The following SCNN1G variants were observed in gnomAD, a reference collection of about 807,000 sequenced individuals.
SCNN1G encodes the protein sodium channel epithelial 1 subunit gamma.
A neutral mutation model predicts 64.6 loss-of-function variants in SCNN1G; 27 were observed. The ratio of observed to expected loss-of-function variants is 0.42; its 90% CI spans 0.31 to 0.58. The LOEUF is 0.58. Among genes scored for constraint, SCNN1G ranks in the 20% least tolerant of loss-of-function variants. The probability of loss-of-function intolerance (pLI) is 0.18; values close to 1 mark genes in which losing one functional copy is unlikely to be tolerated. For missense variants in SCNN1G, 743 were observed against 823.4 expected, an observed-to-expected ratio of 0.90 and a Z score of 1.19; for synonymous variants, 330 against 314.2, an observed-to-expected ratio of 1.05 and a Z score of -0.53.
intron 4 of SCNN1G, among the ~76,000 whole-genome samples, chr16:23,192,896 C>A (rs1959732176): frequency 6.6e-6 from 1 of 151,458 alleles, no homozygotes; most frequent in African/African-American, 2.4e-5. Context: ...TAGCGAGACC[C>A]CGTCTCTACT....
intron 1 of SCNN1G, among the ~76,000 whole-genome samples, chr16:23,184,963 T>C (rs1041958771): frequency 2.6e-5 from 4 of 152,146 alleles, no homozygotes; most frequent in African/African-American, 9.7e-5. Flanking sequence ...TCTTGGGAAG[T>C]GGTCATGTGC....
chr16:23,192,216 A>G, intron 3 of SCNN1G, 136 bp from the exon 4 acceptor site: 2 of 758,028 alleles, frequency 2.6e-6, no homozygotes, highest in South Asian at 3.0e-5. Context: ...GTGAGAGGAA[A>G]CCCATCCTTG....
Position 23,215,433 on chromosome 16 carries a change from C to T in SCNN1G, c.1914C>T (p.Asn638=). The T allele has an allele frequency of 6.2e-7, 1 of 1,613,030 alleles. No individual in the cohort carries two copies. Among genetic ancestry groups the T allele is most frequent in the South Asian group, 1.1e-5 (1 of 91,084 alleles). ...TGCGCTTGGAGAGGGCCTTTTCCAA[C>T]CAGCTCACAGATACCCAGATGCTGG... ...NTLRLERAFS[N]QLTDTQMLDE... is the part of the protein sequence containing the mutation. The change falls in exon 13 of 13, where the codon AAC becomes AAT. Residue 638 remains asparagine (N), a synonymous_variant. Transcript: ENST00000300061.
intron 3 of SCNN1G, among the ~76,000 whole-genome samples, chr16:23,191,963 A>T (rs1216679263): frequency 6.6e-6 from 1 of 152,208 alleles, no homozygotes; most frequent in South Asian, 2.1e-4. Flanking sequence ...CCCCTCCTGC[A>T]GAGTCTGGGC....
In SCNN1G at chr16:23,186,527, A is replaced by G. The variant is rs1959609382; in HGVS notation, c.256A>G (p.Lys86Glu). ...CTTCTATACTGTCTCAGTTTCCATCAAAGTCCACTTCCGGAAGCTGGATTT... is the reference window on the plus strand; with the variant it reads ...CTTCTATACTGTCTCAGTTTCCATCGAAGTCCACTTCCGGAAGCTGGATTT... ...FSFYTVSVSI[K>E]VHFRKLDFPA... The change falls in exon 2 of 13, where the codon AAA becomes GAA. Residue 86 changes from lysine (K) to glutamate (E), a missense_variant. Lys to Glu is a moderately conservative substitution (Grantham distance 56, BLOSUM62 1). Transcript: ENST00000300061. The G allele has an allele frequency of 6.2e-7, 1 of 1,613,880 alleles. No homozygotes were observed. Among genetic ancestry groups the G allele is most frequent in the Non-Finnish European group, 8.5e-7 (1 of 1,180,016 alleles).
intron 2 of SCNN1G, among the ~76,000 whole-genome samples, chr16:23,187,577 G>A (rs1251624272): frequency 6.6e-6 from 1 of 152,156 alleles, no homozygotes; most frequent in Non-Finnish European, 1.5e-5. Flanking sequence ...GGCTCTCCGA[G>A]CTCACATGTT....
intron 4 of SCNN1G, among the ~76,000 whole-genome samples, chr16:23,192,827 G>A (rs1237575696): frequency 6.6e-6 from 1 of 152,082 alleles, no homozygotes; most frequent in Non-Finnish European, 1.5e-5. Context: ...CCAGCACTTT[G>A]GGAGGCTGGG....
intron 6 of SCNN1G, among the ~76,000 whole-genome samples, chr16:23,203,483 C>G (rs984072698): frequency 1.3e-5 from 2 of 152,028 alleles, no homozygotes; most frequent in African/African-American, 4.8e-5. Flanking sequence ...ATTAAGCGCT[C>G]TGATGGGTCA....
chr16:23,192,179 G>A (rs1329425270), intron 3 of SCNN1G, among the ~76,000 whole-genome samples, 173 bp from the exon 4 acceptor site: 1 of 152,104 alleles, frequency 6.6e-6, no homozygotes, highest in Non-Finnish European at 1.5e-5. Flanking sequence ...CTTGAGGCTT[G>A]AGGATGATCA....
At chr16:23,195,807 A>T (rs1216656034) in intron 5 of SCNN1G, 1 of 152,224 alleles carries the variant, frequency 6.6e-6, no homozygotes, top group Admixed American at 6.5e-5. Flanking sequence ...GCAATTGTTT[A>T]CCAATTCTTT....
intron 6 of SCNN1G, among the ~76,000 whole-genome samples, chr16:23,200,273 T>C (rs1293133035): frequency 1.3e-5 from 2 of 152,068 alleles, no homozygotes; most frequent in African/African-American, 2.4e-5. Context: ...TTGACCTTTT[T>C]TTAATGTTTA....
At chr16:23,199,858 A>C (rs1006408256) in intron 6 of SCNN1G, among the ~76,000 whole-genome samples, 1 of 150,912 alleles carries the variant, frequency 6.6e-6, no homozygotes, top group Non-Finnish European at 1.5e-5. Context: ...TTTTTAGTAG[A>C]GACAGGGTTT....
rs762925432 is a variant in SCNN1G at position 23,186,526 on chromosome 16, C to T, written c.255C>T (p.Ile85=). The change falls in exon 2 of 13, where the codon ATC becomes ATT. Residue 85 remains isoleucine, a synonymous_variant. Transcript: ENST00000300061. ...CCTTCTATACTGTCTCAGTTTCCAT[C>T]AAAGTCCACTTCCGGAAGCTGGATT... The part of the protein sequence containing the change: ...VFSFYTVSVS[I]KVHFRKLDFP... The T allele has an allele frequency of 6.2e-7, 1 of 1,613,992 alleles. No homozygotes were observed. The highest frequency in any genetic ancestry group is 8.5e-7 in the Non-Finnish European group (1 of 1,180,030).
intron 2 of SCNN1G, among the ~76,000 whole-genome samples, chr16:23,187,575 G>A (rs12920681): frequency 0.25 from 38,261 of 152,004 alleles, 5,609 homozygotes; most frequent in Admixed American, 0.35. Flanking sequence ...CTGGCTCTCC[G>A]AGCTCACATG....
Position 23,215,094 on chromosome 16 carries a change from G to A in SCNN1G, c.1575G>A (p.Glu525=), listed in dbSNP as rs72647541. The A allele has an allele frequency of 1.0e-3, 1,633 of 1,614,110 alleles. 1 individual carries two copies. The highest frequency in any genetic ancestry group is 1.3e-3 in the Non-Finnish European group (1,500 of 1,180,020). ...SIMESPANSI[E]MLLSNFGGQL... is the part of the protein sequence containing the mutation. ...TGGCTTGGCCTGTCTTGCAGATTGA[G>A]ATGCTTCTGTCCAACTTCGGTGGCC... Residue 525 remains glutamate, a synonymous_variant, in exon 13 of 13, where the codon GAG becomes GAA. Transcript: ENST00000300061.
Position 23,215,363 on chromosome 16 carries a change from T to G in SCNN1G, c.1844T>G (p.Leu615Arg). ...TCTGCTTTGCACCTGCCTCCAGCCC[T>G]AGGAACCCAAGTGCCCGGCACACCG... ...FNSALHLPPA[L>R]GTQVPGTPPP... Residue 615 changes from leucine to arginine, a missense_variant, in exon 13 of 13, where the codon CTA becomes CGA. Coordinates refer to ENST00000300061, the MANE Select transcript of SCNN1G (RefSeq NM_001039.4). 1.2e-6 allele frequency: 2 copies of G among 1,614,142 alleles called. No homozygotes were observed. The highest frequency in any genetic ancestry group is 1.7e-6 in the Non-Finnish European group (2 of 1,180,020).
intron 6 of SCNN1G, among the ~76,000 whole-genome samples, chr16:23,202,838 G>C (rs921130946): frequency 1.3e-5 from 2 of 152,228 alleles, no homozygotes; most frequent in African/African-American, 2.4e-5. Context: ...TCCAAGGGCA[G>C]GGTATGTTTT....
At chr16:23,185,584 G>A (rs147008467) in intron 1 of SCNN1G, among the ~76,000 whole-genome samples, 21 of 152,284 alleles carry the variant, frequency 1.4e-4, no homozygotes, top group African/African-American at 4.8e-4. Flanking sequence ...TGTTACATCA[G>A]GTGATCTAGA....
Position 23,215,374 on chromosome 16 carries a change from G to C in SCNN1G, c.1855G>C (p.Val619Leu), listed in dbSNP as rs146434247. Residue 619 changes from valine (V) to leucine (L), a missense_variant, in exon 13 of 13, where the codon GTG becomes CTG. Transcript: ENST00000300061. ...CCTGCCTCCAGCCCTAGGAACCCAA[G>C]TGCCCGGCACACCGCCCCCCAAATA... Reference protein sequence around the residue: ...LHLPPALGTQVPGTPPPKYNT... With the variant: ...LHLPPALGTQLPGTPPPKYNT... 27 of 1,614,140 alleles carry C rather than the reference G, an allele frequency of 1.7e-5. No homozygotes were observed. Among genetic ancestry groups the C allele is most frequent in the Non-Finnish European group, 2.3e-5 (27 of 1,180,042 alleles).
Sources: allele counts gnomAD v4.1 joint callset (sites outside exome capture counted in the v4.1 genomes callset), GRCh38; gene constraint gnomAD v4.1.1; transcripts MANE v1.5; gene names NCBI Gene and HGNC (gene_info 2026-07-23, HGNC 2026-07-21).